The following TNRC6A variants were observed in gnomAD, a reference collection of about 807,000 sequenced individuals.
The protein encoded by TNRC6A is trinucleotide repeat containing adaptor 6A, also known as trinucleotide repeat-containing gene 6A protein.
In TNRC6A, 44 loss-of-function variants were observed where a neutral mutation model predicts 221.2. The observed-to-expected ratio is 0.20, with a 90% CI of 0.16 to 0.26. The LOEUF (loss-of-function observed/expected upper bound fraction) is 0.26, where lower values mean the gene tolerates loss of function less well. Among genes scored for constraint, TNRC6A ranks in the 10% least tolerant of loss-of-function variants. The pLI, the probability that TNRC6A is intolerant of heterozygous loss-of-function variation, is 1.00. For missense variants in TNRC6A, 2,199 were observed against 2,404.4 expected (o/e 0.91, Z 1.79); for synonymous variants, 847 against 838.5 (o/e 1.01, Z -0.18).
intron 2 of TNRC6A, among the ~76,000 whole-genome samples, chr16:24,666,668 A>AAAAAAAT (rs1555487103): frequency 4.6e-5 from 3 of 65,128 alleles, no homozygotes; most frequent in Non-Finnish European, 7.3e-5. Context: ...AAAAAAAAAA[A>AAAAAAAT]ATATATATAT....
At chr16:24,798,012 C>G in intron 11 of TNRC6A, 46 bp downstream of exon 11, 1 of 1,525,314 alleles carries the variant, frequency 6.6e-7, no homozygotes, top group Non-Finnish European at 9.0e-7. Flanking sequence ...GAGGGACACG[C>G]ACATCCATGA....
rs1335901758 is a variant in TNRC6A, at chr16:24,791,495, CATT to C, written c.2854_2856del (p.Ile952del). On this transcript the variant is annotated inframe_deletion, in exon 6 of 25. Coordinates refer to ENST00000395799, the MANE Select transcript of TNRC6A (RefSeq NM_014494.4). ...CTCCAGACTGGAACAAGCAACAAGACATTGTTGGATCTTGGGGAATCCCACCAG... is the reference window on the plus strand; with the variant it reads ...CTCCAGACTGGAACAAGCAACAAGACGTTGGATCTTGGGGAATCCCACCAG... 1.4e-5 allele frequency: 21 copies of C among 1,532,746 alleles called. No individual in the cohort carries two copies. The Admixed American group carries it at 1.5e-4, about 11-fold the overall frequency. The allele number at this position is 1,532,746 out of a possible 1,614,324, so 94.9% of individuals were successfully genotyped here. A position where few individuals can be genotyped will look rare whatever the true frequency, so the allele number is the denominator to read the frequency against.
At chr16:24,757,702 A>G (rs147053197) in intron 3 of TNRC6A, among the ~76,000 whole-genome samples, 1 of 152,336 alleles carries the variant, frequency 6.6e-6, no homozygotes, top group Non-Finnish European at 1.5e-5. Flanking sequence ...GTGAAAGCAG[A>G]GTTCATGTCA....
chr16:24,660,733 TTTTTTC>T (rs1176793327), intron 2 of TNRC6A, among the ~76,000 whole-genome samples: 4 of 132,208 alleles, frequency 3.0e-5, no homozygotes, highest in Admixed American at 8.4e-5. Context: ...TTTTTCTTTT[TTTTTTC>T]TTTTTTTTTT....
chr16:24,788,472 G>A lies in TNRC6A; in HGVS notation c.590-760G>A, dbSNP rs921119189. ...TAAACTTGTTACAATACTCAAAACA[G>A]TTGTGTGGAAAAGCTATACTAGAAA... On this transcript the variant is annotated intron_variant, in intron 5 of 24. Coordinates refer to ENST00000395799, the MANE Select transcript of TNRC6A (RefSeq NM_014494.4). Among the ~76,000 whole-genome samples, 59 of 152,092 alleles carry A rather than the reference G, an allele frequency of 3.9e-4. 3 individuals carry two copies. The highest frequency in any genetic ancestry group is 8.8e-5 in the Non-Finnish European group (6 of 68,010).
intron 2 of TNRC6A, among the ~76,000 whole-genome samples, chr16:24,700,581 T>G: frequency 6.6e-6 from 1 of 151,124 alleles, no homozygotes; most frequent in Non-Finnish European, 1.5e-5. Flanking sequence ...CTCCAGGGGG[T>G]TCCCTCACAC....
chr16:24,670,135 G>T (rs2055264956), intron 2 of TNRC6A, among the ~76,000 whole-genome samples: 1 of 150,898 alleles, frequency 6.6e-6, no homozygotes, highest in South Asian at 2.1e-4. Context: ...TTTTAAGAAG[G>T]GACGGGGTTT....
chr16:24,698,900 G>T (rs149538836), intron 2 of TNRC6A, among the ~76,000 whole-genome samples: 6 of 152,166 alleles, frequency 3.9e-5, no homozygotes, highest in African/African-American at 1.2e-4. Flanking sequence ...AGTAGAGACG[G>T]GGTTTCACTA....
At chr16:24,663,863 C>T in intron 2 of TNRC6A, 1 of 454,528 alleles carries the variant, frequency 2.2e-6, no homozygotes, top group Non-Finnish European at 4.4e-6. Context: ...CCGGCATGGC[C>T]CAAGGCCCCA....
intron 2 of TNRC6A, among the ~76,000 whole-genome samples, chr16:24,655,264 G>C (rs746015318): frequency 1.3e-5 from 2 of 151,952 alleles, no homozygotes; most frequent in Non-Finnish European, 2.9e-5. Context: ...TTTGAAAGGC[G>C]GGGGGGAACA....
At chr16:24,691,045 C>G (rs1466956696) in intron 2 of TNRC6A, among the ~76,000 whole-genome samples, 1 of 152,000 alleles carries the variant, frequency 6.6e-6, no homozygotes, top group Admixed American at 6.6e-5. Flanking sequence ...CTCCTGACCT[C>G]GTGATCCACC....
intron 5 of TNRC6A, among the ~76,000 whole-genome samples, chr16:24,786,489 A>AT (rs1305627321): frequency 6.6e-5 from 10 of 151,218 alleles, no homozygotes; most frequent in Non-Finnish European, 1.3e-4. Context: ...CGCCCAGCTA[A>AT]TTTTTTTGTA....
At chr16:24,716,633 C>T (rs753730527) in intron 2 of TNRC6A, among the ~76,000 whole-genome samples, 1 of 152,028 alleles carries the variant, frequency 6.6e-6, no homozygotes, top group East Asian at 1.9e-4. Flanking sequence ...CCACTGCATT[C>T]CAGCTTGGGT....
intron 2 of TNRC6A, among the ~76,000 whole-genome samples, chr16:24,715,640 C>T (rs1254563678): frequency 1.5e-5 from 2 of 131,994 alleles, no homozygotes; most frequent in Non-Finnish European, 3.1e-5. Context: ...TTAATTAAGA[C>T]GGAGTCTCAC....
Position 24,651,880 on chromosome 16 carries a change from C to T in TNRC6A, n.402+10871C>T, listed in dbSNP as rs530409773. On this transcript the variant is annotated intron_variant and non_coding_transcript_variant, in intron 2 of 2. Transcript: ENST00000566108. ...TCTGATGGCTCCCAAGGGAGGATCGCTTGAGGTCAGGAGTTTGAGACCAGT... is the reference window on the plus strand; with the variant it reads ...TCTGATGGCTCCCAAGGGAGGATCGTTTGAGGTCAGGAGTTTGAGACCAGT... Among the ~76,000 whole-genome samples the T allele has an allele frequency of 8.0e-5, 12 of 150,630 alleles. No homozygotes were observed. In the South Asian group the frequency reaches 2.5e-3, roughly 31 times the overall value.
intron 4 of TNRC6A, among the ~76,000 whole-genome samples, chr16:24,771,470 C>T (rs889977225): frequency 6.6e-6 from 1 of 151,598 alleles, no homozygotes; most frequent in South Asian, 2.1e-4. Flanking sequence ...CTTGAGGATA[C>T]ACACCCATCC....
intron 2 of TNRC6A, among the ~76,000 whole-genome samples, chr16:24,721,258 A>C (rs2056405780): frequency 6.6e-6 from 1 of 152,244 alleles, no homozygotes; most frequent in African/African-American, 2.4e-5. Flanking sequence ...CTGGGTATTT[A>C]TCCAAGAGAA....
At chr16:24,710,804 C>G (rs898534849) in intron 2 of TNRC6A, among the ~76,000 whole-genome samples, 1 of 151,924 alleles carries the variant, frequency 6.6e-6, no homozygotes, top group East Asian at 1.9e-4. Flanking sequence ...CTCCGCCTCC[C>G]GAGTTCAAGT....
intron 4 of TNRC6A, among the ~76,000 whole-genome samples, chr16:24,775,135 T>C (rs1017994034): frequency 1.1e-4 from 17 of 152,202 alleles, no homozygotes; most frequent in Non-Finnish European, 1.5e-5. Flanking sequence ...ATAGCCAGTG[T>C]CTGCTTATTA....
Sources: gnomAD v4.1 joint callset for allele counts (sites outside exome capture counted in the v4.1 genomes callset) on GRCh38, gnomAD v4.1.1 for gene constraint, MANE v1.5 for transcripts, NCBI Gene and HGNC (gene_info 2026-07-23, HGNC 2026-07-21) for gene names.